Variants in ARB2A observed in about 807,000 individuals in gnomAD.
ARB2A encodes ARB2 cotranscriptional regulator A.
the ARB2A span, among the ~76,000 whole-genome samples, chr5:93,679,024 A>C: frequency 1.3e-5 from 2 of 152,208 alleles, no homozygotes; most frequent in African/African-American, 4.8e-5. Flanking sequence ...TTAACGTAAA[A>C]AGTGGAATAT....
At chr5:93,901,772 G>A in the ARB2A span, among the ~76,000 whole-genome samples, 4 of 152,018 alleles carry the variant, frequency 2.6e-5, no homozygotes, top group African/African-American at 9.7e-5. Flanking sequence ...ATGTACAAGG[G>A]AATAGCTTAC....
At chr5:93,931,301 C>T in the ARB2A span, among the ~76,000 whole-genome samples, 14 of 152,070 alleles carry the variant, frequency 9.2e-5, no homozygotes, top group Non-Finnish European at 1.5e-4. Context: ...CCCGTCTCTA[C>T]TAAAAATACA....
chr5:93,741,107 C>T, the ARB2A span: 9 of 1,613,808 alleles, frequency 5.6e-6, no homozygotes, highest in Admixed American at 1.7e-5. Flanking sequence ...CCAAACAGAG[C>T]TCCCACAGCG....
chr5:93,676,206 A>G, the ARB2A span, among the ~76,000 whole-genome samples: 1 of 152,296 alleles, frequency 6.6e-6, no homozygotes, highest in Admixed American at 6.5e-5. Context: ...ATTTCTTTCC[A>G]TTATGACCAA....
chr5:93,946,903 A>G, the ARB2A span, among the ~76,000 whole-genome samples: 1 of 152,160 alleles, frequency 6.6e-6, no homozygotes, highest in East Asian at 1.9e-4. Flanking sequence ...AGCCACTAAT[A>G]CATGCTTTTC....
chr5:93,828,634 G>A, the ARB2A span, among the ~76,000 whole-genome samples: 1 of 152,080 alleles, frequency 6.6e-6, no homozygotes. Flanking sequence ...TGACCTGTAG[G>A]ATTGACCATT....
At chr5:93,721,724 A>T in the ARB2A span, among the ~76,000 whole-genome samples, 1 of 152,180 alleles carries the variant, frequency 6.6e-6, no homozygotes, top group Non-Finnish European at 1.5e-5. Flanking sequence ...GACATCATCT[A>T]ATCCAAGACC....
the ARB2A span, among the ~76,000 whole-genome samples, chr5:93,844,153 C>A: frequency 6.7e-6 from 1 of 150,250 alleles, no homozygotes; most frequent in Non-Finnish European, 1.5e-5. Flanking sequence ...CTCTAAAATT[C>A]AAAAGCCCAA....
At chr5:94,105,008 C>A in the ARB2A span, among the ~76,000 whole-genome samples, 5 of 151,774 alleles carry the variant, frequency 3.3e-5, no homozygotes, top group Non-Finnish European at 7.4e-5. Context: ...ATAAAAAGAG[C>A]CAGTTATGAC....
chr5:94,021,689 TCCATGAGTGCTAC>T, the ARB2A span, among the ~76,000 whole-genome samples: 4 of 152,186 alleles, frequency 2.6e-5, no homozygotes, highest in Admixed American at 2.6e-4. Context: ...GAGTTTGCAG[TCCATGAGTGCTAC>T]CCATGAGTAT....
chr5:93,949,231 A>G, the ARB2A span, among the ~76,000 whole-genome samples: 1 of 152,006 alleles, frequency 6.6e-6, no homozygotes, highest in Non-Finnish European at 1.5e-5. Flanking sequence ...GGCATACAAT[A>G]AGTAATAATT....
chr5:93,877,977 C>A, the ARB2A span, among the ~76,000 whole-genome samples: 1 of 151,998 alleles, frequency 6.6e-6, no homozygotes, highest in Non-Finnish European at 1.5e-5. Context: ...ATAATTTTAG[C>A]AGTATAATGA....
At chr5:93,767,389 T>C in the ARB2A span, among the ~76,000 whole-genome samples, 3 of 152,128 alleles carry the variant, frequency 2.0e-5, no homozygotes, top group East Asian at 3.9e-4. Context: ...ACAGTAGGTG[T>C]TGGTGTGGAT....
chr5:93,946,539 G>T, the ARB2A span, among the ~76,000 whole-genome samples: 25 of 152,136 alleles, frequency 1.6e-4, no homozygotes, highest in Non-Finnish European at 2.6e-4. Context: ...CAATATTATG[G>T]TTGTAGTAGT....
chr5:93,774,271 A>G, the ARB2A span, among the ~76,000 whole-genome samples: 2 of 152,104 alleles, frequency 1.3e-5, no homozygotes, highest in African/African-American at 4.8e-5. Flanking sequence ...CCAATGACTA[A>G]CTCTCCAACG....
At chr5:93,629,324 A>G in the ARB2A span, among the ~76,000 whole-genome samples, 1 of 152,216 alleles carries the variant, frequency 6.6e-6, no homozygotes, top group Admixed American at 6.5e-5. Context: ...AACAGATATA[A>G]AAATAAAGAA....
the ARB2A span, among the ~76,000 whole-genome samples, chr5:94,005,607 G>A: frequency 7.2e-5 from 11 of 152,144 alleles, no homozygotes; most frequent in Non-Finnish European, 1.6e-4. Context: ...GCAAAATAAT[G>A]AGCATCCACT....
chr5:93,748,940 C>T, the ARB2A span, among the ~76,000 whole-genome samples: 28 of 152,094 alleles, frequency 1.8e-4, no homozygotes, highest in South Asian at 5.6e-3. Context: ...TATGCCTGGG[C>T]AAAATGTCAT....
the ARB2A span, among the ~76,000 whole-genome samples, chr5:94,049,377 T>C: frequency 6.6e-6 from 1 of 152,276 alleles, no homozygotes; most frequent in Non-Finnish European, 1.5e-5. Context: ...TTATTCATTC[T>C]GGCATAGTAG....
Sources: allele counts gnomAD v4.1 joint callset (sites outside exome capture counted in the v4.1 genomes callset), GRCh38; gene constraint gnomAD v4.1.1; transcripts MANE v1.5; gene names NCBI Gene and HGNC (gene_info 2026-07-23, HGNC 2026-07-21).